The following NEK1 variants were observed in gnomAD, a reference collection of about 807,000 sequenced individuals.
NEK1 encodes the protein NIMA related kinase 1.
In NEK1, 137 loss-of-function variants were observed where a neutral mutation model predicts 182.1. The observed-to-expected ratio is 0.75, with a 90% CI of 0.65 to 0.87. The LOEUF (loss-of-function observed/expected upper bound fraction) is 0.87, where lower values mean the gene tolerates loss of function less well. Ranked by LOEUF, NEK1 falls within the 40% of genes least tolerant of loss-of-function variation. NEK1 has a pLI of 0.00. For synonymous variants in NEK1, 513 were observed against 492.2 expected (o/e 1.04, Z -0.56); for missense variants, 1,391 against 1,494.4 (o/e 0.93, Z 1.14).
rs1308430218 is a variant in NEK1 at position 169,599,156 on chromosome 4, CT to C, written c.255del (p.Asp87IlefsTer6). The C allele has an allele frequency of 6.2e-7, 1 of 1,613,420 alleles. No homozygotes were observed. Among genetic ancestry groups the C allele is most frequent in the South Asian group, 1.1e-5 (1 of 91,056 alleles). ...SLYIVMDYCE[G>X]GDLFKRINAQ... The stretch of plus-strand genomic sequence containing the variant: ...GCATTTATTCGCTTAAACAGATCCC[CT>C]CCCTCACAGTAATCCATTACTATGT... On this transcript the variant is annotated frameshift_variant, in exon 5 of 36. Transcript: ENST00000507142. LOFTEE classifies it high-confidence loss of function.
intron 19 of NEK1, among the ~76,000 whole-genome samples, chr4:169,524,518 A>C (rs1297376607): frequency 6.6e-6 from 1 of 152,042 alleles, no homozygotes; most frequent in Non-Finnish European, 1.5e-5. Context: ...GTCTATATAC[A>C]GTAAAATTTT....
chr4:169,421,131 C>A (rs1283968654), intron 31 of NEK1, among the ~76,000 whole-genome samples: 3 of 152,036 alleles, frequency 2.0e-5, no homozygotes. Flanking sequence ...TTCATGGTGA[C>A]AAAGGGGTTG....
chr4:169,498,788 G>A (rs1230109834), intron 23 of NEK1, among the ~76,000 whole-genome samples: 1 of 152,134 alleles, frequency 6.6e-6, no homozygotes, highest in Admixed American at 6.5e-5. Flanking sequence ...TTAGTCTGAT[G>A]GGCTTCCGTT....
At chr4:169,440,559 A>C (rs1554032892) in intron 27 of NEK1, among the ~76,000 whole-genome samples, 2 of 152,206 alleles carry the variant, frequency 1.3e-5, no homozygotes, top group Non-Finnish European at 2.9e-5. Flanking sequence ...TAACACATTG[A>C]ATAGAGCATC....
In NEK1 at chr4:169,576,785, G is replaced by C. The variant is rs1389381073; in HGVS notation, c.1020+143C>G. Reference sequence around the variant, plus strand: ...TCCTGTAAGGCTTCTCAGTTTTAGAGGACTGGTAAAACACAGAAGGAGGAC... The same window carrying C: ...TCCTGTAAGGCTTCTCAGTTTTAGACGACTGGTAAAACACAGAAGGAGGAC... On this transcript the variant is annotated intron_variant, in intron 12 of 35. Transcript: ENST00000507142. 5 of 733,404 alleles carry C rather than the reference G, an allele frequency of 6.8e-6. No individual in the cohort carries two copies. The East Asian group carries it at 1.4e-4, about 21-fold the overall frequency. The allele number at this position is 733,404 out of a possible 1,614,324, so 45.4% of individuals were successfully genotyped here.
intron 19 of NEK1, among the ~76,000 whole-genome samples, chr4:169,528,933 A>G (rs1323008286): frequency 1.3e-5 from 2 of 152,224 alleles, no homozygotes; most frequent in Non-Finnish European, 2.9e-5. Flanking sequence ...TCCTATGACC[A>G]AAATGAAATA....
chr4:169,455,498 A>G (rs995584437), intron 27 of NEK1, among the ~76,000 whole-genome samples: 1 of 152,212 alleles, frequency 6.6e-6, no homozygotes, highest in African/African-American at 2.4e-5. Context: ...ATTTCAAGAC[A>G]AGAACTATAA....
chr4:169,509,481 A>T (rs1211176051), intron 19 of NEK1, among the ~76,000 whole-genome samples: 1 of 151,932 alleles, frequency 6.6e-6, no homozygotes, highest in Admixed American at 6.6e-5. Flanking sequence ...TTTCCTGTCA[A>T]ATGTCTTTTT....
At chr4:169,406,532 C>A in intron 32 of NEK1, 64 bp downstream of exon 32, 1 of 1,221,912 alleles carries the variant, frequency 8.2e-7, no homozygotes, top group Admixed American at 3.0e-5. Flanking sequence ...TAAGTTATCC[C>A]CTCTTTTTTA....
At chr4:169,500,253 G>C (rs140158995) in intron 23 of NEK1, among the ~76,000 whole-genome samples, 1 of 152,150 alleles carries the variant, frequency 6.6e-6, no homozygotes, top group Non-Finnish European at 1.5e-5. Flanking sequence ...TTGGAAAATC[G>C]CAGTATTAGG....
intron 23 of NEK1, among the ~76,000 whole-genome samples, chr4:169,499,306 T>TTTATCTAA (rs2149658717): frequency 2.4e-5 from 2 of 83,156 alleles, no homozygotes; most frequent in African/African-American, 2.6e-4. Context: ...ATTCATCTAA[T>TTTATCTAA]TTTTTTTTCA....
rs187852237 is a variant in NEK1 at position 169,547,371 on chromosome 4, G to A, written c.1562+8349C>T. On this transcript the variant is annotated intron_variant, in intron 18 of 35. Transcript: ENST00000507142. ...TTAGTCCGATGGGCTTCCCTTTACC[G>A]GTAACCTGACCTTTCTCTCTGGTGG... Among the ~76,000 whole-genome samples the A allele has an allele frequency of 9.2e-5, 14 of 152,226 alleles. No individual in the cohort carries two copies. In the East Asian group the frequency reaches 2.1e-3, roughly 23 times the overall value.
At chr4:169,443,998 A>G (rs1740026286) in intron 27 of NEK1, among the ~76,000 whole-genome samples, 1 of 152,238 alleles carries the variant, frequency 6.6e-6, no homozygotes, top group Admixed American at 6.5e-5. Context: ...CCAAAGAAGC[A>G]AAAACTGGGA....
intron 27 of NEK1, among the ~76,000 whole-genome samples, chr4:169,446,195 TAATC>T (rs1561201089): frequency 2.0e-5 from 3 of 151,266 alleles, no homozygotes; most frequent in South Asian, 2.1e-4. Context: ...GAAGAAATAA[TAATC>T]AAGCAGAACA....
chr4:169,445,822 CTAAACT>C (rs1254338542), intron 27 of NEK1, among the ~76,000 whole-genome samples: 1 of 146,870 alleles, frequency 6.8e-6, no homozygotes, highest in Non-Finnish European at 1.5e-5. Context: ...CATGCACCCA[CTAAACT>C]TAAAACAAAA....
At chr4:169,537,754 C>A (rs1232400623) in intron 19 of NEK1, 55 bp downstream of exon 19, 4 of 1,287,570 alleles carry the variant, frequency 3.1e-6, no homozygotes, top group African/African-American at 2.9e-5. Context: ...TTATTCCAGA[C>A]CTTCACTTGG....
intron 16 of NEK1, among the ~76,000 whole-genome samples, chr4:169,560,505 G>A (rs1021396000): frequency 6.6e-6 from 1 of 152,016 alleles, no homozygotes; most frequent in Non-Finnish European, 1.5e-5. Context: ...ATCACCACTT[G>A]CCATATAACA....
chr4:169,600,781 T>C (rs1181748122), intron 4 of NEK1, among the ~76,000 whole-genome samples: 1 of 152,204 alleles, frequency 6.6e-6, no homozygotes, highest in Non-Finnish European at 1.5e-5. Flanking sequence ...AAAAATTACA[T>C]ATACTATGCT....
chr4:169,498,577 G>A (rs1580237415), intron 23 of NEK1, among the ~76,000 whole-genome samples: 1 of 152,220 alleles, frequency 6.6e-6, no homozygotes, highest in East Asian at 1.9e-4. Context: ...GCTTCCTTCT[G>A]GAGCTCTTTT....
Sources: gnomAD v4.1 joint callset for allele counts (sites outside exome capture counted in the v4.1 genomes callset) on GRCh38, gnomAD v4.1.1 for gene constraint, MANE v1.5 for transcripts, NCBI Gene and HGNC (gene_info 2026-07-23, HGNC 2026-07-21) for gene names.